Variants in CDC42BPA observed in about 807,000 individuals in gnomAD.
The protein encoded by CDC42BPA is CDC42 binding protein kinase alpha.
In CDC42BPA, 80 loss-of-function variants were observed where a neutral mutation model predicts 223.5. The ratio of observed to expected loss-of-function variants is 0.36; its 90% CI spans 0.30 to 0.43. The LOEUF is 0.43. Among genes scored for constraint, CDC42BPA ranks in the 20% least tolerant of loss-of-function variants. The probability of loss-of-function intolerance (pLI) is 1.00; values close to 1 mark genes in which losing one functional copy is unlikely to be tolerated. For synonymous variants in CDC42BPA, 694 were observed against 718.6 expected (o/e 0.97, Z 0.55); for missense variants, 1,743 against 2,099.9 (o/e 0.83, Z 3.32).
intron 34 of CDC42BPA, among the ~76,000 whole-genome samples, chr1:227,015,167 C>T (rs1381227579): frequency 6.6e-6 from 1 of 151,908 alleles, no homozygotes; most frequent in Non-Finnish European, 1.5e-5. Context: ...TGGCTCACGC[C>T]TGTAATCCCA....
chr1:227,263,770 C>G (rs544501267), intron 1 of CDC42BPA, among the ~76,000 whole-genome samples: 1 of 151,796 alleles, frequency 6.6e-6, no homozygotes, highest in Non-Finnish European at 1.5e-5. Context: ...TTAGTAGAGA[C>G]GGGGTTTCAC....
chr1:227,287,295 A>G (rs747470989), intron 1 of CDC42BPA, among the ~76,000 whole-genome samples: 2 of 152,144 alleles, frequency 1.3e-5, no homozygotes, highest in Non-Finnish European at 2.9e-5. Flanking sequence ...CCTATTTGCA[A>G]GGTTGGTCTA....
In CDC42BPA at chr1:227,266,582, T is replaced by C. The variant is rs186818401; in HGVS notation, c.179-12427A>G. On this transcript the variant is annotated intron_variant, in intron 1 of 36. Coordinates refer to ENST00000366766, the MANE Select transcript of CDC42BPA (RefSeq NM_001394014.1). ...GAAGTCAAAATATAATTCTATCCAG[T>C]GAAAGATAATCTTACCTGGAAATTT... 1.5e-3 allele frequency among the ~76,000 whole-genome samples: 234 copies of C among 152,322 alleles called. 2 individuals carry two copies. The highest frequency in any genetic ancestry group is 5.4e-3 in the African/African-American group (224 of 41,582).
At chr1:227,055,839 G>C (rs576985432) in intron 21 of CDC42BPA, among the ~76,000 whole-genome samples, 12 of 150,158 alleles carry the variant, frequency 8.0e-5, no homozygotes, top group Admixed American at 8.0e-4. Context: ...TTACTCTGAC[G>C]AACAGTCATT....
chr1:227,282,950 G>A (rs1251332915), intron 1 of CDC42BPA, among the ~76,000 whole-genome samples: 1 of 152,140 alleles, frequency 6.6e-6, no homozygotes, highest in Non-Finnish European at 1.5e-5. Flanking sequence ...TGTACTTGAT[G>A]TCACTGAACT....
At chr1:227,178,630 C>T (rs1020358703) in intron 5 of CDC42BPA, among the ~76,000 whole-genome samples, 1 of 152,066 alleles carries the variant, frequency 6.6e-6, no homozygotes. Flanking sequence ...TGGGTAGCTA[C>T]GACTACAGGC....
At chr1:227,003,935 A>G (rs1419624826) in intron 35 of CDC42BPA, 1 of 152,204 alleles carries the variant, frequency 6.6e-6, no homozygotes, top group Non-Finnish European at 1.5e-5. Flanking sequence ...ACCTCAGCAG[A>G]AGAGTTGGTA....
chr1:227,044,306 T>C (rs990106699), intron 23 of CDC42BPA, among the ~76,000 whole-genome samples: 7 of 152,204 alleles, frequency 4.6e-5, no homozygotes, highest in Non-Finnish European at 8.8e-5. Flanking sequence ...CTGTTAACAA[T>C]GCTTTCACTG....
chr1:227,094,473 G>C (rs747721407), intron 15 of CDC42BPA, among the ~76,000 whole-genome samples: 30 of 152,280 alleles, frequency 2.0e-4, no homozygotes, highest in Admixed American at 7.2e-4. Flanking sequence ...TATCAGCCCA[G>C]CCCTTGCCTC....
chr1:227,139,551 G>T (rs1200438744), intron 10 of CDC42BPA, 25 bp downstream of exon 10: 1 of 1,443,898 alleles, frequency 6.9e-7, no homozygotes, highest in South Asian at 1.4e-5. Context: ...TTCAAAAAGT[G>T]AAAATATATT....
chr1:227,205,282 AAAT>A (rs1455495647), intron 3 of CDC42BPA, among the ~76,000 whole-genome samples: 344 of 27,296 alleles, frequency 0.013, 2 homozygotes, highest in Middle Eastern at 0.042. Flanking sequence ...AAAAAAAAAA[AAAT>A]ATATATATAT....
At chr1:227,109,629 G>A (rs1686573953) in intron 14 of CDC42BPA, among the ~76,000 whole-genome samples, 1 of 151,972 alleles carries the variant, frequency 6.6e-6, no homozygotes, top group South Asian at 2.1e-4. Context: ...GCCTCCCAAA[G>A]TGCTGGGATT....
chr1:227,100,680 T>G lies in CDC42BPA; in HGVS notation c.2249+312A>C, dbSNP rs540965963. Among the ~76,000 whole-genome samples, 10 of 151,838 alleles carry G rather than the reference T, an allele frequency of 6.6e-5. No individual in the cohort carries two copies. In the East Asian group the frequency reaches 1.9e-3, roughly 29 times the overall value. The stretch of plus-strand genomic sequence containing the variant: ...TTGAACTCCTGGGCTCAAGTAAGCC[T>G]CCTTCCTCAGCCTCTTAAGTAGCTC... On this transcript the variant is annotated intron_variant, in intron 15 of 36. Transcript: ENST00000366766.
In CDC42BPA at chr1:227,072,037, ATG is replaced by A. The variant is rs1678489661; in HGVS notation, c.2827+169_2827+170del. Among the ~76,000 whole-genome samples the A allele has an allele frequency of 3.3e-5, 5 of 151,894 alleles. 1 individual carries two copies. The South Asian group carries it at 8.3e-4, about 25-fold the overall frequency. ...AATGACTCAGAGGTCAGTCTTCCAA[ATG>A]TGTGTGTATGCACATGCATCATATA... On this transcript the variant is annotated intron_variant, in intron 20 of 36. Coordinates refer to ENST00000366766, the MANE Select transcript of CDC42BPA (RefSeq NM_001394014.1).
At chr1:227,040,095 T>A in intron 24 of CDC42BPA, 36 bp downstream of exon 24, 1 of 1,164,250 alleles carries the variant, frequency 8.6e-7, no homozygotes, top group Non-Finnish European at 1.3e-6. Flanking sequence ...ACAATTTAGA[T>A]AGTGAAGTCA....
At position 227,254,067 on chromosome 1, in the gene CDC42BPA, C is replaced by A; in HGVS notation, c.267G>T (p.Gly89=). ...CTATCAAATCTTAATCTCTTACCTC[C>A]CCAAAAGCTCCTCGACCAATCACCT... is the stretch of plus-strand genomic sequence containing the variant. The part of the protein sequence containing the change: ...ILKVIGRGAF[G]EVAVVKLKNA... The change falls in exon 2 of 37, where the codon GGG becomes GGT. Residue 89 remains glycine, a synonymous_variant. Coordinates refer to ENST00000366766, the MANE Select transcript of CDC42BPA (RefSeq NM_001394014.1). 6.4e-7 allele frequency: 1 copy of A among 1,564,716 alleles called. No individual in the cohort carries two copies. Among genetic ancestry groups the A allele is most frequent in the Non-Finnish European group, 8.8e-7 (1 of 1,140,998 alleles).
intron 21 of CDC42BPA, among the ~76,000 whole-genome samples, chr1:227,055,318 T>C (rs1243622195): frequency 6.6e-6 from 1 of 152,114 alleles, no homozygotes; most frequent in East Asian, 1.9e-4. Context: ...TTTATTCAAG[T>C]TTTAATTATC....
intron 6 of CDC42BPA, among the ~76,000 whole-genome samples, chr1:227,157,851 T>C (rs532256294): frequency 6.6e-6 from 1 of 152,270 alleles, no homozygotes; most frequent in Admixed American, 6.5e-5. Context: ...TTACTGTACT[T>C]TCTAATCGTA....
chr1:227,023,436 T>TAA, intron 31 of CDC42BPA, 89 bp from the exon 32 acceptor site: 1 of 599,314 alleles, frequency 1.7e-6, no homozygotes, highest in Non-Finnish European at 2.8e-6. Flanking sequence ...CACACCTTAT[T>TAA]AAGACTTCTC....
Sources: gnomAD v4.1 joint callset for allele counts (sites outside exome capture counted in the v4.1 genomes callset) on GRCh38, gnomAD v4.1.1 for gene constraint, MANE v1.5 for transcripts, NCBI Gene and HGNC (gene_info 2026-07-23, HGNC 2026-07-21) for gene names.